GALNT13: variants seen among roughly 807,000 people sequenced by gnomAD.
GALNT13 encodes polypeptide N-acetylgalactosaminyltransferase 13, also known as UDP-GalNAc:polypeptide N-acetylgalactosaminyltransferase 13.
In GALNT13, 28 loss-of-function variants were observed where a neutral mutation model predicts 64.2. That is an observed-to-expected ratio of 0.44 (90% CI 0.32 to 0.60). The LOEUF is 0.60. GALNT13 is among the 20% of genes least tolerant of loss of function. GALNT13 has a pLI of 0.05. For synonymous variants in GALNT13, 214 were observed against 224.6 expected (o/e 0.95, Z 0.42); for missense variants, 577 against 669.8 (o/e 0.86, Z 1.53).
At chr2:153,981,938 A>G (rs1340684611) in intron 3 of GALNT13, among the ~76,000 whole-genome samples, 4 of 151,882 alleles carry the variant, frequency 2.6e-5, no homozygotes, top group Non-Finnish European at 5.9e-5. Context: ...TATCATGTCT[A>G]TTACTATAAT....
At chr2:153,119,763 G>T in the GALNT13 span, among the ~76,000 whole-genome samples, 2 of 152,252 alleles carry the variant, frequency 1.3e-5, no homozygotes, top group South Asian at 2.1e-4. Flanking sequence ...TAGCTGTCTT[G>T]CTCCTTGAAT....
chr2:154,361,195 C>T (rs1697048222), intron 9 of GALNT13, among the ~76,000 whole-genome samples: 2 of 152,068 alleles, frequency 1.3e-5, no homozygotes, highest in South Asian at 2.1e-4. Context: ...GTGATCAACA[C>T]TGCTGGTATT....
At chr2:154,267,356 C>T (rs1691070260) in intron 8 of GALNT13, among the ~76,000 whole-genome samples, 1 of 151,998 alleles carries the variant, frequency 6.6e-6, no homozygotes, top group Non-Finnish European at 1.5e-5. Flanking sequence ...TTGTGCTTTT[C>T]AGGCCGGGCA....
the GALNT13 span, among the ~76,000 whole-genome samples, chr2:153,191,850 T>C: frequency 4.4e-4 from 67 of 152,088 alleles, 1 homozygote; most frequent in African/African-American, 1.5e-3. Context: ...TGTTAGTGTA[T>C]AGTTGTTTAC....
At chr2:153,696,242 G>C in the GALNT13 span, among the ~76,000 whole-genome samples, 1 of 152,176 alleles carries the variant, frequency 6.6e-6, no homozygotes, top group Non-Finnish European at 1.5e-5. Context: ...ACCGGAGTCT[G>C]ATGTTGGAGG....
intron 3 of GALNT13, among the ~76,000 whole-genome samples, chr2:153,957,220 C>T (rs978826545): frequency 6.6e-6 from 1 of 152,148 alleles, no homozygotes; most frequent in Non-Finnish European, 1.5e-5. Flanking sequence ...AAATTGGGAC[C>T]ATCTACTTGG....
At chr2:153,562,056 CTCTCTGTGTGTG>C in the GALNT13 span, among the ~76,000 whole-genome samples, 6 of 92,896 alleles carry the variant, frequency 6.5e-5, no homozygotes, top group African/African-American at 2.7e-4. Flanking sequence ...CTCTCTCTCT[CTCTCTGTGTGTG>C]TGTGTGTGTG....
chr2:153,647,023 C>G, the GALNT13 span, among the ~76,000 whole-genome samples: 5 of 152,078 alleles, frequency 3.3e-5, no homozygotes, highest in East Asian at 9.6e-4. Flanking sequence ...GTTCTAGATC[C>G]CTGAGGAATC....
At chr2:153,122,344 C>A in the GALNT13 span, among the ~76,000 whole-genome samples, 12 of 151,930 alleles carry the variant, frequency 7.9e-5, no homozygotes, top group South Asian at 2.1e-4. Flanking sequence ...TATTTTTTAT[C>A]CCCCAAAATG....
intron 4 of GALNT13, among the ~76,000 whole-genome samples, chr2:154,238,165 A>T (rs989804056): frequency 6.6e-6 from 1 of 152,050 alleles, no homozygotes; most frequent in African/African-American, 2.4e-5. Context: ...AGGACTTTAT[A>T]GTACCAAGGA....
chr2:153,930,455 G>A (rs1960811), intron 2 of GALNT13, among the ~76,000 whole-genome samples: 108,935 of 152,086 alleles, frequency 0.72, 39,345 homozygotes, highest in East Asian at 0.96. Flanking sequence ...GAGTTTTTAT[G>A]GTTTTAGGTT....
At chr2:153,459,443 C>G in the GALNT13 span, among the ~76,000 whole-genome samples, 5 of 152,136 alleles carry the variant, frequency 3.3e-5, no homozygotes, top group African/African-American at 1.2e-4. Flanking sequence ...AAAACCGCCT[C>G]TCAACAACAA....
At chr2:153,866,894 T>A in the GALNT13 span, among the ~76,000 whole-genome samples, 1 of 152,182 alleles carries the variant, frequency 6.6e-6, no homozygotes, top group East Asian at 1.9e-4. Context: ...TTTGCTTCTA[T>A]GACCAAATAT....
Position 154,020,579 on chromosome 2 carries a change from C to A in GALNT13, c.142+75940C>A, listed in dbSNP as rs1307724151. Among the ~76,000 whole-genome samples the A allele has an allele frequency of 2.6e-5, 4 of 151,876 alleles. No homozygotes were observed. The East Asian group carries it at 7.7e-4, about 29-fold the overall frequency. ...TTTTTCTTGTAAATTTGTTTGAGTT[C>A]ATTGTAGATTCTGGATATCAGCCCT... On this transcript the variant is annotated intron_variant, in intron 3 of 12. Transcript: ENST00000392825.
chr2:154,417,929 C>A (rs191015961), intron 11 of GALNT13, among the ~76,000 whole-genome samples: 85 of 152,170 alleles, frequency 5.6e-4, no homozygotes, highest in Non-Finnish European at 9.6e-4. Flanking sequence ...TGAACTTAGA[C>A]TGCAGAATTT....
chr2:153,979,997 C>T (rs983048279), intron 3 of GALNT13, among the ~76,000 whole-genome samples: 1 of 152,134 alleles, frequency 6.6e-6, no homozygotes, highest in Non-Finnish European at 1.5e-5. Context: ...CCAGAGAGTT[C>T]AGCTAATATT....
chr2:153,746,473 A>G, the GALNT13 span, among the ~76,000 whole-genome samples: 1 of 152,184 alleles, frequency 6.6e-6, no homozygotes, highest in Admixed American at 6.5e-5. Context: ...TGTTAAAGAG[A>G]TTTATAGTTC....
intron 3 of GALNT13, among the ~76,000 whole-genome samples, chr2:153,954,315 T>A (rs1692413769): frequency 1.3e-5 from 2 of 152,196 alleles, no homozygotes; most frequent in South Asian, 4.1e-4. Context: ...ACTGGAATGT[T>A]GAGATTATAA....
At chr2:154,046,709 C>G (rs1699307488) in intron 3 of GALNT13, among the ~76,000 whole-genome samples, 1 of 152,030 alleles carries the variant, frequency 6.6e-6, no homozygotes, top group African/African-American at 2.4e-5. Context: ...GGGTGGGGCC[C>G]TAATTCAATG....
Sources: allele counts gnomAD v4.1 joint callset (sites outside exome capture counted in the v4.1 genomes callset), GRCh38; gene constraint gnomAD v4.1.1; transcripts MANE v1.5; gene names NCBI Gene and HGNC (gene_info 2026-07-23, HGNC 2026-07-21).